Variants in CPNE8 observed in about 807,000 individuals in gnomAD.
CPNE8 encodes copine 8, also known as copine-8.
CPNE8 carries 45 observed loss-of-function variants against 81.5 expected under a neutral mutation model. That is an observed-to-expected ratio of 0.55 (90% CI 0.44 to 0.71). The LOEUF (loss-of-function observed/expected upper bound fraction) is 0.71, where lower values mean the gene tolerates loss of function less well. Among genes scored for constraint, CPNE8 ranks in the 30% least tolerant of loss-of-function variants. The pLI is 0.00. For missense variants in CPNE8, 594 were observed against 672.1 expected (o/e 0.88, Z 1.28); for synonymous variants, 252 against 226.3 (o/e 1.11, Z -1.02).
At chr12:38,792,634 C>T (rs746271084) in intron 6 of CPNE8, among the ~76,000 whole-genome samples, 2 of 151,750 alleles carry the variant, frequency 1.3e-5, no homozygotes, top group Non-Finnish European at 3.0e-5. Flanking sequence ...GGTTCAACTA[C>T]AGAATCTGAT....
intron 1 of CPNE8, among the ~76,000 whole-genome samples, chr12:38,891,168 T>C (rs61937842): frequency 7.2e-5 from 11 of 151,912 alleles, no homozygotes; most frequent in Non-Finnish European, 1.5e-4. Flanking sequence ...CAACCTCAAA[T>C]AATCCACCCA....
chr12:38,799,054 C>T (rs536722745), intron 6 of CPNE8, among the ~76,000 whole-genome samples: 30 of 152,200 alleles, frequency 2.0e-4, no homozygotes, highest in African/African-American at 6.5e-4. Flanking sequence ...TAAAGCAAGT[C>T]CTCAGTGACC....
At chr12:38,715,061 AT>A (rs1940352269) in intron 13 of CPNE8, among the ~76,000 whole-genome samples, 1 of 152,080 alleles carries the variant, frequency 6.6e-6, no homozygotes, top group Admixed American at 6.6e-5. Flanking sequence ...CATTTTTATA[AT>A]TTTTGATTCC....
intron 3 of CPNE8, 73 bp from the exon 4 acceptor site, chr12:38,848,735 A>T: frequency 7.0e-7 from 1 of 1,427,268 alleles, no homozygotes; most frequent in African/African-American, 1.5e-5. Context: ...ACTTAATATC[A>T]CACAGTTCTT....
At chr12:38,808,880 T>G (rs1160970835) in intron 6 of CPNE8, among the ~76,000 whole-genome samples, 1 of 152,028 alleles carries the variant, frequency 6.6e-6, no homozygotes. Context: ...TAGAATATGA[T>G]AAACAAGCAA....
At chr12:38,843,480 C>A (rs1565644896) in intron 4 of CPNE8, among the ~76,000 whole-genome samples, 1 of 151,822 alleles carries the variant, frequency 6.6e-6, no homozygotes, top group Admixed American at 6.6e-5. Context: ...TCCCCAAAGC[C>A]AAGTAAAGTA....
intron 10 of CPNE8, among the ~76,000 whole-genome samples, chr12:38,750,193 A>C (rs1307656139): frequency 6.6e-6 from 1 of 152,186 alleles, no homozygotes; most frequent in Non-Finnish European, 1.5e-5. Context: ...GGTGCACAGA[A>C]GTCAAGAATT....
chr12:38,783,333 T>C (rs550403034), intron 6 of CPNE8, among the ~76,000 whole-genome samples: 2 of 152,306 alleles, frequency 1.3e-5, no homozygotes, highest in African/African-American at 2.4e-5. Flanking sequence ...GCACTCACAG[T>C]ACCTGGCTTT....
At chr12:38,658,642 C>T (rs1225433558) in intron 19 of CPNE8, among the ~76,000 whole-genome samples, 1 of 152,056 alleles carries the variant, frequency 6.6e-6, no homozygotes, top group East Asian at 1.9e-4. Context: ...TTAAGGGCAG[C>T]CAGAGAGAAA....
chr12:38,845,775 G>A (rs1233381296), intron 4 of CPNE8, among the ~76,000 whole-genome samples: 1 of 152,132 alleles, frequency 6.6e-6, no homozygotes, highest in Non-Finnish European at 1.5e-5. Context: ...AGGAATTAAA[G>A]TGATAGCAAA....
intron 10 of CPNE8, among the ~76,000 whole-genome samples, chr12:38,753,230 T>C (rs1243267430): frequency 3.3e-5 from 5 of 152,044 alleles, no homozygotes. Context: ...GACGGGTGGA[T>C]CACTTGAGCT....
intron 13 of CPNE8, among the ~76,000 whole-genome samples, chr12:38,717,565 C>T (rs765342631): frequency 1.3e-4 from 20 of 150,246 alleles, no homozygotes; most frequent in African/African-American, 2.2e-4. Flanking sequence ...CTCTGGAATG[C>T]GAAACCAAAT....
At position 38,652,567 on chromosome 12, in the gene CPNE8, G is replaced by A. The variant is rs1938722915; in HGVS notation, c.*1315C>T. The A allele has an allele frequency of 6.6e-6, 1 of 152,304 alleles. No homozygotes were observed. The highest frequency in any genetic ancestry group is 2.1e-4 in the South Asian group (1 of 4,808). 9.4% of individuals were successfully genotyped at this position (152,304 alleles called of 1,614,324 possible). On this transcript the variant is annotated 3_prime_UTR_variant, in exon 20 of 20. Coordinates refer to ENST00000331366, the MANE Select transcript of CPNE8 (RefSeq NM_153634.3). ...GTATTAAATAGAATATATAGGTAAGGAAAAAATATTATAAAGCAGTTACAT... is the reference window on the plus strand; with the variant it reads ...GTATTAAATAGAATATATAGGTAAGAAAAAAATATTATAAAGCAGTTACAT...
intron 10 of CPNE8, among the ~76,000 whole-genome samples, chr12:38,755,815 C>A (rs960563989): frequency 6.6e-6 from 1 of 151,742 alleles, no homozygotes; most frequent in African/African-American, 2.4e-5. Flanking sequence ...CCGAGGCGGG[C>A]GGATCACGAA....
intron 15 of CPNE8, among the ~76,000 whole-genome samples, chr12:38,687,648 C>T (rs1324952459): frequency 1.3e-5 from 2 of 152,224 alleles, no homozygotes; most frequent in African/African-American, 4.8e-5. Flanking sequence ...TCCCAAAGTG[C>T]TGGGATTACA....
chr12:38,793,081 A>C (rs1048599275), intron 6 of CPNE8, among the ~76,000 whole-genome samples: 28 of 128,846 alleles, frequency 2.2e-4, no homozygotes, highest in Admixed American at 7.3e-4. Context: ...ACTTCAATAT[A>C]AAAAAGGTGG....
chr12:38,842,376 C>T (rs1943483769), intron 4 of CPNE8, among the ~76,000 whole-genome samples: 2 of 151,988 alleles, frequency 1.3e-5, no homozygotes, highest in Middle Eastern at 3.4e-3. Flanking sequence ...GAAATGACAT[C>T]GAATGTTCAA....
intron 1 of CPNE8, among the ~76,000 whole-genome samples, chr12:38,876,813 T>C (rs55751769): frequency 0.045 from 6,794 of 152,240 alleles, 378 homozygotes; most frequent in African/African-American, 0.13. Context: ...GATCGCAAAG[T>C]TGGAAAAGGA....
intron 19 of CPNE8, among the ~76,000 whole-genome samples, chr12:38,657,642 C>T (rs1262078525): frequency 6.6e-6 from 1 of 152,134 alleles, no homozygotes; most frequent in East Asian, 1.9e-4. Context: ...ATAGACACCT[C>T]ATACAGCTGG....
Sources: allele counts gnomAD v4.1 joint callset (sites outside exome capture counted in the v4.1 genomes callset), GRCh38; gene constraint gnomAD v4.1.1; transcripts MANE v1.5; gene names NCBI Gene and HGNC (gene_info 2026-07-23, HGNC 2026-07-21).